The following LHFPL3 variants were observed in gnomAD, a reference collection of about 807,000 sequenced individuals.
LHFPL3 encodes the protein LHFPL tetraspan subfamily member 3.
LHFPL3 carries 5 observed loss-of-function variants against 19.3 expected under a neutral mutation model. The observed-to-expected ratio is 0.26, with a 90% CI of 0.14 to 0.54. LHFPL3 has a LOEUF of 0.54. Ranked by LOEUF, LHFPL3 falls within the 20% of genes least tolerant of loss-of-function variation. The pLI is 0.94. For synonymous variants in LHFPL3, 133 were observed against 126.2 expected, an observed-to-expected ratio of 1.05 and a Z score of -0.36; for missense variants, 249 against 307.4, an observed-to-expected ratio of 0.81 and a Z score of 1.42.
intron 1 of LHFPL3, among the ~76,000 whole-genome samples, chr7:104,641,600 A>G (rs930705666): frequency 6.6e-6 from 1 of 152,332 alleles, no homozygotes; most frequent in East Asian, 1.9e-4. Flanking sequence ...CCATTACATG[A>G]AAAATGAGAG....
chr7:104,668,759 A>G, intron 1 of LHFPL3: 1 of 1,398,866 alleles, frequency 7.1e-7, no homozygotes, highest in South Asian at 1.2e-5. Flanking sequence ...AAAGCCTCGG[A>G]GTACTCCTAA....
At chr7:104,779,914 G>GT (rs368467284) in intron 2 of LHFPL3, among the ~76,000 whole-genome samples, 1,974 of 148,574 alleles carry the variant, frequency 0.013, 38 homozygotes, top group African/African-American at 0.045. Flanking sequence ...AATTAGTGGG[G>GT]TTTTTTTTTT....
chr7:104,781,676 T>A lies in LHFPL3; in HGVS notation c.682+44765T>A, dbSNP rs540502370. 5.9e-5 allele frequency among the ~76,000 whole-genome samples: 9 copies of A among 152,292 alleles called. No homozygotes were observed. In the East Asian group the frequency reaches 1.7e-3, roughly 29 times the overall value. ...GCCTCTACCTTCTCATTGCAAACCA[T>A]CTTCTGAACTTATCAGACTTTCTTC... On this transcript the variant is annotated intron_variant, in intron 2 of 2. Coordinates refer to ENST00000424859, the MANE Select transcript of LHFPL3 (RefSeq NM_199000.3).
intron 1 of LHFPL3, among the ~76,000 whole-genome samples, chr7:104,376,444 T>C (rs1790716375): frequency 6.6e-6 from 1 of 152,216 alleles, no homozygotes; most frequent in Non-Finnish European, 1.5e-5. Flanking sequence ...AAGGAGATGC[T>C]AGATAAAATC....
intron 1 of LHFPL3, among the ~76,000 whole-genome samples, chr7:104,591,602 C>T (rs1462516521): frequency 6.6e-6 from 1 of 152,166 alleles, no homozygotes; most frequent in East Asian, 1.9e-4. Flanking sequence ...CTTGAGGTTG[C>T]TCTTCTCGAG....
At chr7:104,802,358 G>C (rs1364979101) in intron 2 of LHFPL3, among the ~76,000 whole-genome samples, 1 of 151,974 alleles carries the variant, frequency 6.6e-6, no homozygotes, top group Admixed American at 6.6e-5. Flanking sequence ...GCTGAGCATG[G>C]TGACACCCAC....
chr7:104,621,435 C>G (rs1001940990), intron 1 of LHFPL3, among the ~76,000 whole-genome samples: 6 of 152,188 alleles, frequency 3.9e-5, no homozygotes, highest in Admixed American at 3.3e-4. Flanking sequence ...GAATTACTTT[C>G]CATTCCACCA....
At chr7:104,721,716 G>A (rs1427716749) in intron 1 of LHFPL3, among the ~76,000 whole-genome samples, 2 of 152,136 alleles carry the variant, frequency 1.3e-5, no homozygotes, top group Non-Finnish European at 2.9e-5. Flanking sequence ...GGAAAGGAAT[G>A]AGAAGTGGAA....
intron 1 of LHFPL3, among the ~76,000 whole-genome samples, chr7:104,675,922 G>A (rs1025087937): frequency 2.0e-5 from 3 of 152,124 alleles, no homozygotes; most frequent in Non-Finnish European, 2.9e-5. Flanking sequence ...GAGGGCAAAG[G>A]GCAGATCTAC....
intron 1 of LHFPL3, among the ~76,000 whole-genome samples, chr7:104,576,907 T>A (rs1790349054): frequency 1.3e-5 from 2 of 152,328 alleles, no homozygotes; most frequent in South Asian, 2.1e-4. Flanking sequence ...CCTTACAGTC[T>A]CTCACTGGGT....
At chr7:104,480,219 A>G (rs1404740358) in intron 1 of LHFPL3, among the ~76,000 whole-genome samples, 2 of 152,160 alleles carry the variant, frequency 1.3e-5, no homozygotes, top group African/African-American at 2.4e-5. Flanking sequence ...TTTAACTGTA[A>G]ATGGGGATAG....
At chr7:104,505,333 T>C (rs1166850695) in intron 1 of LHFPL3, among the ~76,000 whole-genome samples, 1 of 152,206 alleles carries the variant, frequency 6.6e-6, no homozygotes, top group Admixed American at 6.5e-5. Flanking sequence ...AAATGAGATA[T>C]GGAAATGAAA....
intron 1 of LHFPL3, among the ~76,000 whole-genome samples, chr7:104,561,696 T>C (rs1186038884): frequency 3.9e-5 from 6 of 152,000 alleles, no homozygotes; most frequent in African/African-American, 9.7e-5. Flanking sequence ...AAAGTTAATA[T>C]TGTTATGTGT....
intron 1 of LHFPL3, among the ~76,000 whole-genome samples, chr7:104,609,125 C>A (rs1791162821): frequency 1.3e-5 from 2 of 151,940 alleles, no homozygotes; most frequent in African/African-American, 2.4e-5. Context: ...ATTAGCCAGG[C>A]ATGGTGGTGC....
At chr7:104,522,957 T>C (rs1794101600) in intron 1 of LHFPL3, among the ~76,000 whole-genome samples, 1 of 132,220 alleles carries the variant, frequency 7.6e-6, no homozygotes, top group Non-Finnish European at 1.6e-5. Context: ...TGTCTGTCTC[T>C]CTCTCTATAT....
At chr7:104,483,464 A>AT (rs1402416784) in intron 1 of LHFPL3, among the ~76,000 whole-genome samples, 1 of 152,178 alleles carries the variant, frequency 6.6e-6, no homozygotes, top group African/African-American at 2.4e-5. Flanking sequence ...CTACATAGTT[A>AT]TTTTTACTGT....
chr7:104,717,856 T>C lies in LHFPL3; in HGVS notation c.446-18819T>C, dbSNP rs762930393. On this transcript the variant is annotated intron_variant, in intron 1 of 2. Coordinates refer to ENST00000424859, the MANE Select transcript of LHFPL3 (RefSeq NM_199000.3). Reference sequence around the variant, plus strand: ...TCTCAAGGAGATATTAGTATTCCTATGTTCAGTGCAGCACTATTCACAATA... The same window carrying C: ...TCTCAAGGAGATATTAGTATTCCTACGTTCAGTGCAGCACTATTCACAATA... 1.3e-3 allele frequency among the ~76,000 whole-genome samples: 193 copies of C among 152,184 alleles called. 1 individual carries two copies. The highest frequency in any genetic ancestry group is 7.8e-4 in the Non-Finnish European group (53 of 68,026).
intron 1 of LHFPL3, among the ~76,000 whole-genome samples, chr7:104,330,370 C>T (rs948132128): frequency 3.3e-5 from 5 of 152,180 alleles, no homozygotes; most frequent in Admixed American, 6.5e-5. Context: ...TTACTGTTCT[C>T]ATTTTTAAGA....
intron 1 of LHFPL3, chr7:104,470,034 C>T (rs1447671298): frequency 3.1e-5 from 14 of 455,838 alleles, no homozygotes; most frequent in African/African-American, 8.0e-5. Flanking sequence ...GTGTGAACTT[C>T]GGGTGTTTAC....
Sources: allele counts gnomAD v4.1 joint callset (sites outside exome capture counted in the v4.1 genomes callset), GRCh38; gene constraint gnomAD v4.1.1; transcripts MANE v1.5; gene names NCBI Gene and HGNC (gene_info 2026-07-23, HGNC 2026-07-21).